The following MSRA variants were observed in gnomAD, a reference collection of about 807,000 sequenced individuals.
MSRA encodes the protein methionine sulfoxide reductase A, also known as mitochondrial peptide methionine sulfoxide reductase.
In MSRA, 54 loss-of-function variants were observed where a neutral mutation model predicts 31.3. The observed-to-expected ratio is 1.73, with a 90% CI of 1.39 to 2.17. MSRA has a LOEUF of 2.17. Among genes scored for constraint, MSRA ranks in the 30% most tolerant of loss-of-function variants. The pLI is 0.00. For missense variants in MSRA, 507 were observed against 300.9 expected (o/e 1.69, Z -5.07); for synonymous variants, 169 against 116.5 (o/e 1.45, Z -2.90).
At chr8:10,137,329 C>G (rs965026408) in intron 1 of MSRA, among the ~76,000 whole-genome samples, 6 of 152,188 alleles carry the variant, frequency 3.9e-5, no homozygotes, top group African/African-American at 1.4e-4. Flanking sequence ...TTAGGAACGT[C>G]TTGGTGCCTG....
intron 3 of MSRA, among the ~76,000 whole-genome samples, chr8:10,261,410 A>G (rs534936939): frequency 1.4e-4 from 21 of 149,158 alleles, no homozygotes; most frequent in Admixed American, 5.4e-4. Flanking sequence ...AAAAAAGACT[A>G]TAAGGCCAGA....
chr8:10,406,537 C>T (rs768147786), intron 5 of MSRA, among the ~76,000 whole-genome samples: 1 of 152,162 alleles, frequency 6.6e-6, no homozygotes, highest in Non-Finnish European at 1.5e-5. Context: ...CTGGGGGTTA[C>T]ATCCAGGGTG....
chr8:10,197,728 C>T (rs1386133569), intron 1 of MSRA, among the ~76,000 whole-genome samples: 3 of 152,142 alleles, frequency 2.0e-5, no homozygotes, highest in African/African-American at 7.2e-5. Flanking sequence ...GATAAGCTTG[C>T]TCAGAAGCCC....
chr8:10,127,772 C>G (rs1344760762), intron 1 of MSRA, among the ~76,000 whole-genome samples: 1 of 152,094 alleles, frequency 6.6e-6, no homozygotes, highest in African/African-American at 2.4e-5. Context: ...TTTTAAAATG[C>G]CAGAGTTTGA....
chr8:10,428,352 A>G lies in MSRA; in HGVS notation c.*40A>G, dbSNP rs755181843. Reference sequence around the variant, plus strand: ...GTGGGCCTTTGAGGTTCCAGTAAAAATGCTTTCAACAAATTGGGCAATGCT... The same window carrying G: ...GTGGGCCTTTGAGGTTCCAGTAAAAGTGCTTTCAACAAATTGGGCAATGCT... On this transcript the variant is annotated 3_prime_UTR_variant, in exon 6 of 6. Coordinates refer to ENST00000317173, the MANE Select transcript of MSRA (RefSeq NM_012331.5). 6.2e-7 allele frequency: 1 copy of G among 1,602,436 alleles called. No homozygotes were observed. The highest frequency in any genetic ancestry group is 8.5e-7 in the Non-Finnish European group (1 of 1,174,142).
At chr8:10,214,122 C>G (rs2129063141) in intron 2 of MSRA, among the ~76,000 whole-genome samples, 1 of 152,246 alleles carries the variant, frequency 6.6e-6, no homozygotes, top group East Asian at 1.9e-4. Context: ...GAGTGGGGAG[C>G]AAAAGCCAAG....
At chr8:10,162,318 G>A (rs917184945) in intron 1 of MSRA, among the ~76,000 whole-genome samples, 1 of 152,204 alleles carries the variant, frequency 6.6e-6, no homozygotes, top group Non-Finnish European at 1.5e-5. Context: ...GGACTCCAGA[G>A]ATGTCTCTTT....
intron 3 of MSRA, among the ~76,000 whole-genome samples, chr8:10,274,046 G>A (rs1024454972): frequency 4.6e-5 from 7 of 152,146 alleles, no homozygotes; most frequent in African/African-American, 1.4e-4. Flanking sequence ...TCTTCCTCAT[G>A]TGTCCCTCCG....
At chr8:10,296,579 G>A (rs1208126972) in intron 3 of MSRA, among the ~76,000 whole-genome samples, 1 of 152,146 alleles carries the variant, frequency 6.6e-6, no homozygotes, top group African/African-American at 2.4e-5. Context: ...ATGTCATCAC[G>A]GCTGATTAGA....
chr8:10,185,110 G>A (rs1418257398), intron 1 of MSRA, among the ~76,000 whole-genome samples: 2 of 152,172 alleles, frequency 1.3e-5, no homozygotes, highest in African/African-American at 4.8e-5. Flanking sequence ...AAGGGCTGCT[G>A]CTCCTTTTGC....
At chr8:10,137,655 C>T (rs1022304209) in intron 1 of MSRA, among the ~76,000 whole-genome samples, 41 of 152,236 alleles carry the variant, frequency 2.7e-4, no homozygotes, top group Admixed American at 3.3e-4. Flanking sequence ...GTGGGAGACC[C>T]CACTTCCTAA....
chr8:10,062,316 A>G (rs1432936314), intron 1 of MSRA, among the ~76,000 whole-genome samples: 5 of 152,224 alleles, frequency 3.3e-5, no homozygotes, highest in Non-Finnish European at 4.4e-5. Context: ...ACTGAATTCT[A>G]CAAGAGATGC....
At chr8:10,293,255 A>C (rs1050752031) in intron 3 of MSRA, among the ~76,000 whole-genome samples, 1 of 152,110 alleles carries the variant, frequency 6.6e-6, no homozygotes, top group Non-Finnish European at 1.5e-5. Context: ...TGGGCCAGCT[A>C]AGCAGCTCCC....
At chr8:10,217,362 T>C (rs1372353113) in intron 2 of MSRA, among the ~76,000 whole-genome samples, 1 of 152,230 alleles carries the variant, frequency 6.6e-6, no homozygotes, top group Non-Finnish European at 1.5e-5. Flanking sequence ...AGGGACTATT[T>C]GGTCCTTGCA....
chr8:10,391,179 G>C (rs188911472), intron 5 of MSRA, among the ~76,000 whole-genome samples: 9 of 152,276 alleles, frequency 5.9e-5, no homozygotes, highest in African/African-American at 1.9e-4. Context: ...ATTGGCTTTT[G>C]TATCTTCCCC....
intron 1 of MSRA, among the ~76,000 whole-genome samples, chr8:10,175,601 T>C (rs1302338352): frequency 6.6e-6 from 1 of 152,248 alleles, no homozygotes; most frequent in Admixed American, 6.5e-5. Context: ...AAGAGGATAA[T>C]GTCTCATTGA....
At chr8:10,391,119 T>C (rs1295015611) in intron 5 of MSRA, among the ~76,000 whole-genome samples, 3 of 152,196 alleles carry the variant, frequency 2.0e-5, no homozygotes, top group Non-Finnish European at 4.4e-5. Flanking sequence ...CTTGTCAATA[T>C]TCTCACTCTA....
Position 10,423,194 on chromosome 8 carries a change from T to G in MSRA, c.544-4954T>G, listed in dbSNP as rs1293003768. Reference sequence around the variant, plus strand: ...CTGCGCATTACCTGGGTCCCCACCCTCTTCCTCCTCTCCAGCTCTCCTGAC... The same window carrying G: ...CTGCGCATTACCTGGGTCCCCACCCGCTTCCTCCTCTCCAGCTCTCCTGAC... On this transcript the variant is annotated intron_variant, in intron 5 of 5. Transcript: ENST00000317173. 3.9e-5 allele frequency among the ~76,000 whole-genome samples: 6 copies of G among 152,284 alleles called. No homozygotes were observed. The East Asian group carries it at 1.2e-3, about 29-fold the overall frequency.
chr8:10,166,503 A>G (rs765921510), intron 1 of MSRA, among the ~76,000 whole-genome samples: 9 of 151,942 alleles, frequency 5.9e-5, no homozygotes, highest in Non-Finnish European at 1.2e-4. Flanking sequence ...ATATGTGTGT[A>G]TGTGCATTTG....
Sources: gnomAD v4.1 joint callset for allele counts (sites outside exome capture counted in the v4.1 genomes callset) on GRCh38, gnomAD v4.1.1 for gene constraint, MANE v1.5 for transcripts, NCBI Gene and HGNC (gene_info 2026-07-23, HGNC 2026-07-21) for gene names.